The following GCH1 variants were observed in gnomAD, a reference collection of about 807,000 sequenced individuals.
GCH1 encodes the protein GTP cyclohydrolase I.
GCH1 carries 5 observed loss-of-function variants against 25.9 expected under a neutral mutation model. The ratio of observed to expected loss-of-function variants is 0.19; its 90% confidence interval spans 0.10 to 0.41. GCH1 has a LOEUF of 0.41. Ranked by LOEUF, GCH1 falls within the 10% of genes least tolerant of loss-of-function variation. The pLI, the probability that GCH1 is intolerant of heterozygous loss-of-function variation, is 1.00. For synonymous variants in GCH1, 159 were observed against 129.6 expected (o/e 1.23, Z -1.54); for missense variants, 261 against 336.5 (o/e 0.78, Z 1.75).
intron 1 of GCH1, among the ~76,000 whole-genome samples, chr14:54,897,661 G>A (rs1436544076): frequency 3.3e-5 from 5 of 152,042 alleles, no homozygotes; most frequent in Non-Finnish European, 4.4e-5. Context: ...CACTGATTCA[G>A]TTCTCTCTGT....
chr14:54,843,842 C>G lies in GCH1; in HGVS notation c.*175G>C, dbSNP rs1316633195. 2.5e-6 allele frequency: 4 copies of G among 1,612,268 alleles called. No individual in the cohort carries two copies. Among genetic ancestry groups the G allele is most frequent in the Non-Finnish European group, 3.4e-6 (4 of 1,178,472 alleles). On this transcript the variant is annotated 3_prime_UTR_variant, in exon 6 of 6. Coordinates refer to ENST00000491895, the MANE Select transcript of GCH1 (RefSeq NM_000161.3). ...GGTGGCAAGAAGAAAGTAGAGGGCT[C>G]AACCCTTTATTATATTTATTTGACT...
intron 1 of GCH1, chr14:54,885,951 C>T (rs1425265769): frequency 8.1e-6 from 2 of 246,224 alleles, no homozygotes; most frequent in Non-Finnish European, 1.6e-5. Flanking sequence ...CACACAACAG[C>T]CCAGACAGGA....
At chr14:54,892,115 A>G (rs1446914450) in intron 1 of GCH1, among the ~76,000 whole-genome samples, 4 of 152,232 alleles carry the variant, frequency 2.6e-5, no homozygotes, top group Non-Finnish European at 5.9e-5. Flanking sequence ...AATTCATGCT[A>G]GTATTGTTAT....
chr14:54,843,055 C>G lies in GCH1; in HGVS notation c.*962G>C. ...GCGTGGAAGCTATGGTTCTGCAGAC[C>G]TGAAAATGATGGGCACTCTCAAATG... On this transcript the variant is annotated 3_prime_UTR_variant, in exon 6 of 6. Transcript: ENST00000491895. The G allele has an allele frequency of 9.2e-7, 1 of 1,092,122 alleles. No individual in the cohort carries two copies. Among genetic ancestry groups the G allele is most frequent in the Non-Finnish European group, 1.4e-6 (1 of 705,012 alleles). The allele number at this position is 1,092,122 out of a possible 1,614,324, so 67.7% of individuals were successfully genotyped here.
intron 1 of GCH1, among the ~76,000 whole-genome samples, chr14:54,899,057 G>A (rs1049899339): frequency 5.3e-5 from 8 of 152,172 alleles, no homozygotes; most frequent in Admixed American, 1.3e-4. Flanking sequence ...CAGACAATGT[G>A]AATTTTTCAG....
intron 1 of GCH1, among the ~76,000 whole-genome samples, chr14:54,869,358 T>C (rs2040036336): frequency 6.6e-6 from 1 of 151,214 alleles, no homozygotes; most frequent in Admixed American, 6.6e-5. Flanking sequence ...TTCTTAAATG[T>C]TGATAATTGT....
At chr14:54,848,621 A>G (rs1420408880) in intron 3 of GCH1, among the ~76,000 whole-genome samples, 3 of 151,884 alleles carry the variant, frequency 2.0e-5, no homozygotes, top group South Asian at 2.1e-4. Context: ...TCTTCCCCCA[A>G]CTACACGTCT....
At chr14:54,844,851 C>T (rs752688) in intron 5 of GCH1, among the ~76,000 whole-genome samples, 33,433 of 152,010 alleles carry the variant, frequency 0.22, 3,822 homozygotes, top group East Asian at 0.36. Flanking sequence ...AAGAAGAAAT[C>T]AAGAGAAGAC....
chr14:54,871,778 A>G (rs961430544), intron 1 of GCH1, among the ~76,000 whole-genome samples: 4 of 152,112 alleles, frequency 2.6e-5, no homozygotes, highest in Admixed American at 6.6e-5. Context: ...GAAATGAAGC[A>G]AGAAGAGAAG....
At chr14:54,875,944 C>A (rs984629222) in intron 1 of GCH1, among the ~76,000 whole-genome samples, 19 of 152,296 alleles carry the variant, frequency 1.2e-4, no homozygotes, top group African/African-American at 4.1e-4. Flanking sequence ...TGTGGCGATT[C>A]CTCAGGGATC....
intron 2 of GCH1, among the ~76,000 whole-genome samples, chr14:54,862,144 T>G (rs2039905805): frequency 6.6e-6 from 1 of 152,050 alleles, no homozygotes; most frequent in African/African-American, 2.4e-5. Context: ...TCTTCCTGCC[T>G]CAGACTCCCA....
intron 2 of GCH1, among the ~76,000 whole-genome samples, chr14:54,862,333 G>A (rs1435607685): frequency 2.0e-5 from 3 of 149,468 alleles, no homozygotes; most frequent in Non-Finnish European, 4.4e-5. Context: ...ACTCGGCCCT[G>A]ATGTGATATA....
rs1296731359 is a variant in GCH1 at position 54,844,046 on chromosome 14, C to T, written c.724G>A (p.Glu242Lys). ...CTCCTAATGAGAGTCAGGAACTCTT[C>T]CCGAGTCTTTGGATCCTCCCGGAAC... Reference protein sequence around the residue: ...GVFREDPKTREEFLTLIRS With the variant: ...GVFREDPKTRKEFLTLIRS Residue 242 changes from glutamate (E) to lysine (K), a missense_variant, in exon 6 of 6, where the codon GAA (glutamate) becomes AAA (lysine). Transcript: ENST00000491895. 2 of 1,614,022 alleles carry T rather than the reference C, an allele frequency of 1.2e-6. No homozygotes were observed. Among genetic ancestry groups the T allele is most frequent in the African/African-American group, 1.3e-5 (1 of 74,926 alleles).
rs886050544 is a variant in GCH1 at position 54,842,734 on chromosome 14, T to G, written c.*1283A>C. On this transcript the variant is annotated 3_prime_UTR_variant, in exon 6 of 6. Coordinates refer to ENST00000491895, the MANE Select transcript of GCH1 (RefSeq NM_000161.3). ...AATACTAAACTTCATGGAATAACTGTGTTTGTGTTTCTGTGGAGGAGTTGC... is the reference window on the plus strand; with the variant it reads ...AATACTAAACTTCATGGAATAACTGGGTTTGTGTTTCTGTGGAGGAGTTGC... The G allele has an allele frequency of 2.9e-6, 1 of 341,444 alleles. No individual in the cohort carries two copies. The highest frequency in any genetic ancestry group is 5.2e-6 in the Non-Finnish European group (1 of 190,644). 21.2% of individuals were successfully genotyped at this position (341,444 alleles called of 1,614,324 possible). A position where few individuals can be genotyped will look rare whatever the true frequency, so the allele number is the denominator to read the frequency against.
At chr14:54,899,661 G>A (rs1003365574) in intron 1 of GCH1, among the ~76,000 whole-genome samples, 5 of 151,836 alleles carry the variant, frequency 3.3e-5, no homozygotes, top group Admixed American at 6.6e-5. Flanking sequence ...ATATAAAATT[G>A]GTCATTTTTA....
chr14:54,899,693 A>G (rs2040535567), intron 1 of GCH1, among the ~76,000 whole-genome samples: 2 of 152,120 alleles, frequency 1.3e-5, no homozygotes, highest in South Asian at 4.1e-4. Flanking sequence ...GTTACAATCC[A>G]GTGGCATTCA....
In GCH1 at chr14:54,843,105, T is replaced by C. The variant is rs2039585100; in HGVS notation, c.*912A>G. 1 of 1,474,006 alleles carries C rather than the reference T, an allele frequency of 6.8e-7. No individual in the cohort carries two copies. The highest frequency in any genetic ancestry group is 1.4e-5 in the African/African-American group (1 of 69,324). 91.3% of individuals were successfully genotyped at this position (1,474,006 alleles called of 1,614,324 possible). ...GTTTCTGGAAATACTTAGAAAAATATCTTATAAGATTAAAAAAAAGAAGAA... is the reference window on the plus strand; with the variant it reads ...GTTTCTGGAAATACTTAGAAAAATACCTTATAAGATTAAAAAAAAGAAGAA... On this transcript the variant is annotated 3_prime_UTR_variant, in exon 6 of 6. Transcript: ENST00000491895.
At chr14:54,898,450 G>T (rs2040517651) in intron 1 of GCH1, among the ~76,000 whole-genome samples, 1 of 151,910 alleles carries the variant, frequency 6.6e-6, no homozygotes, top group South Asian at 2.1e-4. Context: ...TGTACACTTG[G>T]GCTACACTAA....
chr14:54,873,136 C>A (rs1397235855), intron 1 of GCH1, among the ~76,000 whole-genome samples: 2 of 152,128 alleles, frequency 1.3e-5, no homozygotes, highest in Non-Finnish European at 2.9e-5. Context: ...GAAATTATAA[C>A]AAACTGTCTC....
Sources: allele counts gnomAD v4.1 joint callset (sites outside exome capture counted in the v4.1 genomes callset), GRCh38; gene constraint gnomAD v4.1.1; transcripts MANE v1.5; gene names NCBI Gene and HGNC (gene_info 2026-07-23, HGNC 2026-07-21).